The following ELOVL6 variants were observed in gnomAD, a reference collection of about 807,000 sequenced individuals.
ELOVL6 encodes ELOVL fatty acid elongase 6, also known as very long chain fatty acid elongase 6.
A neutral mutation model predicts 31.7 loss-of-function variants in ELOVL6; 8 were observed. The observed-to-expected ratio is 0.25, with a 90% CI of 0.15 to 0.45. The LOEUF (loss-of-function observed/expected upper bound fraction) is 0.45, where lower values mean the gene tolerates loss of function less well. Ranked by LOEUF, ELOVL6 falls within the 20% of genes least tolerant of loss-of-function variation. The probability of loss-of-function intolerance (pLI) is 1.00; values close to 1 mark genes in which losing one functional copy is unlikely to be tolerated. For missense variants in ELOVL6, 126 were observed against 326.4 expected (o/e 0.39, Z 4.73); for synonymous variants, 101 against 117.7 (o/e 0.86, Z 0.92).
rs192486194 is a variant in ELOVL6 at position 110,126,298 on chromosome 4, G to A, written c.90-20670C>T. Among the ~76,000 whole-genome samples, 6 of 152,156 alleles carry A rather than the reference G, an allele frequency of 3.9e-5. No individual in the cohort carries two copies. The East Asian group carries it at 7.7e-4, about 20-fold the overall frequency. On this transcript the variant is annotated intron_variant, in intron 1 of 3. Transcript: ENST00000302274. ...GACTCAAGGCTGACCCACCTGCCTC[G>A]GCCTCCCAAAGTGCTGAGATTACAG...
Position 110,198,085 on chromosome 4 carries a change from C to T in ELOVL6, c.89+162G>A, listed in dbSNP as rs1009480457. 10 of 514,762 alleles carry T rather than the reference C, an allele frequency of 1.9e-5. 1 individual carries two copies. The highest frequency in any genetic ancestry group is 4.1e-5 in the East Asian group (1 of 24,168). The allele number at this position is 514,762 out of a possible 1,614,324, so 31.9% of individuals were successfully genotyped here. ...CTCGCGCTTCATGTACCCCCCCCCC[C>T]CCAGCGTCTCCTGCACCCGGGAGAC... On this transcript the variant is annotated intron_variant, in intron 1 of 3. Coordinates refer to ENST00000302274, the MANE Select transcript of ELOVL6 (RefSeq NM_024090.3).
intron 2 of ELOVL6, among the ~76,000 whole-genome samples, chr4:110,100,766 G>A (rs997023446): frequency 2.0e-5 from 3 of 152,076 alleles, no homozygotes; most frequent in Non-Finnish European, 2.9e-5. Context: ...AATTGATTAC[G>A]CTATGGTGGC....
chr4:110,082,548 AACACATGG>A (rs1025390321), intron 2 of ELOVL6, among the ~76,000 whole-genome samples: 24 of 152,054 alleles, frequency 1.6e-4, no homozygotes, highest in African/African-American at 5.3e-4. Flanking sequence ...GAACAATGAG[AACACATGG>A]ACACAGGAAG....
rs543093002 is a variant in ELOVL6, at chr4:110,163,255, T to C, written c.89+34992A>G. Among the ~76,000 whole-genome samples, 7 of 152,312 alleles carry C rather than the reference T, an allele frequency of 4.6e-5. No homozygotes were observed. The South Asian group carries it at 1.5e-3, about 32-fold the overall frequency. On this transcript the variant is annotated intron_variant, in intron 1 of 3. Coordinates refer to ENST00000302274, the MANE Select transcript of ELOVL6 (RefSeq NM_024090.3). ...GCCCAGGGCTAACATGGTCTTCTCA[T>C]TTGCTACTAGGTCAGATGCCAATCC...
In ELOVL6 at chr4:110,061,549, C is replaced by CTTTTTTTTTTTTTTTTTTTTTT. The variant is rs57846282; in HGVS notation, c.222-1817_222-1796dup. On this transcript the variant is annotated intron_variant, in intron 2 of 3. Coordinates refer to ENST00000302274, the MANE Select transcript of ELOVL6 (RefSeq NM_024090.3). ...CTGTCTTTCCCTCACCAAATGATGG[C>CTTTTTTTTTTTTTTTTTTTTTT]TTTTTTTTTTTTTTTTTTTTTTTTT... 2.6e-4 allele frequency among the ~76,000 whole-genome samples: 19 copies of CTTTTTTTTTTTTTTTTTTTTTT among 72,380 alleles called. 2 individuals are homozygous for CTTTTTTTTTTTTTTTTTTTTTT. Among genetic ancestry groups the CTTTTTTTTTTTTTTTTTTTTTT allele is most frequent in the Middle Eastern group, 0.011 (1 of 90 alleles). 47.5% of individuals were successfully genotyped at this position (72,380 alleles called of 152,430 possible).
chr4:110,175,960 C>G (rs1759091483), intron 1 of ELOVL6, among the ~76,000 whole-genome samples: 1 of 150,470 alleles, frequency 6.6e-6, no homozygotes, highest in Non-Finnish European at 1.5e-5. Context: ...ATCATTTGTA[C>G]TTGTTTAAAT....
chr4:110,189,181 G>A (rs1474480263), intron 1 of ELOVL6, among the ~76,000 whole-genome samples: 2 of 152,156 alleles, frequency 1.3e-5, no homozygotes, highest in African/African-American at 2.4e-5. Context: ...TTGGGAGGCT[G>A]AGGCAAGAAG....
chr4:110,120,793 CTTTTCTTTTTTTTTTTTTTT>C (rs1314293883), intron 1 of ELOVL6, among the ~76,000 whole-genome samples: 1 of 128,954 alleles, frequency 7.8e-6, no homozygotes, highest in Non-Finnish European at 1.7e-5. Context: ...TCTTTTTTTT[CTTTTCTTTTTTTTTTTTTTT>C]TTTTTGAAAC....
In ELOVL6 at chr4:110,065,394, A is replaced by C. The variant is rs1755271931; in HGVS notation, c.222-5640T>G. Among the ~76,000 whole-genome samples the C allele has an allele frequency of 2.0e-5, 3 of 152,310 alleles. No homozygotes were observed. In the South Asian group the frequency reaches 6.2e-4, roughly 32 times the overall value. On this transcript the variant is annotated intron_variant, in intron 2 of 3. Coordinates refer to ENST00000302274, the MANE Select transcript of ELOVL6 (RefSeq NM_024090.3). The stretch of plus-strand genomic sequence containing the variant: ...GTAATCCTAGCACTTTGGAAGGCTG[A>C]AGTGGGTGGCTCACTTAAGCCCAAC...
rs2087344839 is a variant in ELOVL6 at position 110,047,167 on chromosome 4, G to A, written c.*4171C>T. On this transcript the variant is annotated 3_prime_UTR_variant, in exon 4 of 4. Transcript: ENST00000302274. ...TTGACATGATATTATTTTTCATGATGGAAACTTTTAAGGAATAAGTGTCTA... is the reference window on the plus strand; with the variant it reads ...TTGACATGATATTATTTTTCATGATAGAAACTTTTAAGGAATAAGTGTCTA... 6.6e-6 allele frequency: 1 copy of A among 152,056 alleles called. No individual in the cohort carries two copies. The highest frequency in any genetic ancestry group is 2.4e-5 in the African/African-American group (1 of 41,410). The allele number at this position is 152,056 out of a possible 1,614,324, so 9.4% of individuals were successfully genotyped here.
intron 2 of ELOVL6, among the ~76,000 whole-genome samples, chr4:110,084,095 T>TATATATGCTATATATGATATATAAC (rs1756032962): frequency 2.4e-5 from 2 of 82,252 alleles, no homozygotes; most frequent in African/African-American, 5.3e-5. Context: ...ATATATAACA[T>TATATATGCTATATATGATATATAAC]ATATATGATA....
chr4:110,171,679 C>CTTTTTTTT (rs70956406), intron 1 of ELOVL6, among the ~76,000 whole-genome samples: 7 of 66,194 alleles, frequency 1.1e-4, no homozygotes, highest in East Asian at 6.8e-4. Flanking sequence ...ATAATATCCT[C>CTTTTTTTT]TTTTTTTTTT....
intron 1 of ELOVL6, among the ~76,000 whole-genome samples, chr4:110,197,217 T>C (rs1396829050): frequency 6.6e-6 from 1 of 152,184 alleles, no homozygotes; most frequent in African/African-American, 2.4e-5. Context: ...GCTTGAACTT[T>C]ACAGATCGCC....
At chr4:110,129,216 T>C (rs1203451525) in intron 1 of ELOVL6, among the ~76,000 whole-genome samples, 1 of 152,230 alleles carries the variant, frequency 6.6e-6, no homozygotes, top group Non-Finnish European at 1.5e-5. Context: ...TATTGTTTTA[T>C]ATATTTCTGT....
chr4:110,080,860 A>C (rs1322242758), intron 2 of ELOVL6, among the ~76,000 whole-genome samples: 2 of 152,052 alleles, frequency 1.3e-5, no homozygotes, highest in African/African-American at 4.8e-5. Flanking sequence ...CTCAGCCCAA[A>C]ATCTCCTTAA....
chr4:110,132,413 CAG>C (rs1311078917), intron 1 of ELOVL6, among the ~76,000 whole-genome samples: 1 of 151,968 alleles, frequency 6.6e-6, no homozygotes, highest in Non-Finnish European at 1.5e-5. Flanking sequence ...ATAAATTCAA[CAG>C]AAGAGATAGA....
intron 1 of ELOVL6, among the ~76,000 whole-genome samples, chr4:110,190,304 TG>T (rs1759577457): frequency 1.3e-5 from 2 of 152,258 alleles, no homozygotes; most frequent in South Asian, 4.2e-4. Flanking sequence ...AAGTTCACAG[TG>T]GGCAACTAAC....
intron 3 of ELOVL6, among the ~76,000 whole-genome samples, chr4:110,058,292 G>T (rs559847865): frequency 2.1e-4 from 32 of 152,206 alleles, no homozygotes; most frequent in African/African-American, 6.8e-4. Flanking sequence ...CTGTTGGAGG[G>T]GGGGAGCGGT....
intron 2 of ELOVL6, among the ~76,000 whole-genome samples, chr4:110,103,530 TA>T (rs1201762646): frequency 6.6e-6 from 1 of 152,166 alleles, no homozygotes; most frequent in African/African-American, 2.4e-5. Context: ...AATAACTGTA[TA>T]TACTTCAAGA....
Sources: gnomAD v4.1 joint callset for allele counts (sites outside exome capture counted in the v4.1 genomes callset) on GRCh38, gnomAD v4.1.1 for gene constraint, MANE v1.5 for transcripts, NCBI Gene and HGNC (gene_info 2026-07-23, HGNC 2026-07-21) for gene names.